Variants in NEGR1 observed in about 807,000 individuals in gnomAD.
NEGR1 encodes neuronal growth regulator 1.
Under a neutral mutation model 40.9 loss-of-function variants are expected in NEGR1, and 10 were observed. The ratio of observed to expected loss-of-function variants is 0.24; its 90% CI spans 0.15 to 0.42. NEGR1 has a LOEUF of 0.42. NEGR1 is among the 10% of genes least tolerant of loss of function. The probability of loss-of-function intolerance (pLI) is 1.00; values close to 1 mark genes in which losing one functional copy is unlikely to be tolerated. For missense variants in NEGR1, 352 were observed against 438.9 expected, an observed-to-expected ratio of 0.80 and a Z score of 1.77; for synonymous variants, 185 against 166.8, an observed-to-expected ratio of 1.11 and a Z score of -0.84.
At chr1:71,616,856 A>T (rs1215753497) in intron 4 of NEGR1, among the ~76,000 whole-genome samples, 2 of 152,208 alleles carry the variant, frequency 1.3e-5, no homozygotes, top group African/African-American at 4.8e-5. Context: ...GACTGCCAAC[A>T]AAAGAAAGCT....
At chr1:71,930,154 A>T (rs944981502) in intron 2 of NEGR1, among the ~76,000 whole-genome samples, 99 of 150,532 alleles carry the variant, frequency 6.6e-4, no homozygotes, top group African/African-American at 1.8e-3. Context: ...TTATTTTTAA[A>T]TTTTTTTTTT....
intron 3 of NEGR1, among the ~76,000 whole-genome samples, chr1:71,729,004 CT>C (rs77991010): frequency 8.6e-5 from 13 of 151,662 alleles, no homozygotes; most frequent in African/African-American, 1.5e-4. Flanking sequence ...GAAATGGAAA[CT>C]TTTTTTTTAC....
At chr1:71,782,106 G>A (rs1656738420) in intron 2 of NEGR1, among the ~76,000 whole-genome samples, 1 of 152,130 alleles carries the variant, frequency 6.6e-6, no homozygotes, top group Admixed American at 6.6e-5. Context: ...AAATTCATGA[G>A]TTAAAATCTT....
intron 6 of NEGR1, among the ~76,000 whole-genome samples, chr1:71,505,015 A>G (rs1266296109): frequency 6.6e-6 from 1 of 152,154 alleles, no homozygotes; most frequent in Non-Finnish European, 1.5e-5. Flanking sequence ...TCACACCCTT[A>G]CAGATTAAAC....
intron 2 of NEGR1, among the ~76,000 whole-genome samples, chr1:71,827,428 A>T (rs1009313402): frequency 6.6e-6 from 1 of 151,810 alleles, no homozygotes; most frequent in African/African-American, 2.4e-5. Flanking sequence ...TATTCAATCA[A>T]TGAAAAAGCT....
chr1:71,529,366 G>A (rs1397352620), intron 6 of NEGR1, among the ~76,000 whole-genome samples: 1 of 151,042 alleles, frequency 6.6e-6, no homozygotes, highest in African/African-American at 2.4e-5. Context: ...CCAGCATTAG[G>A]GCATTATTGT....
At position 71,654,516 on chromosome 1, in the gene NEGR1, T is replaced by C. The variant is rs1183110537; in HGVS notation, c.668-43370A>G. On this transcript the variant is annotated intron_variant, in intron 4 of 6. Transcript: ENST00000357731. ...CAACTGCTCAGAAAATAAAATATGT[T>C]CAAAATAAATAAACCATAAATATGG... Among the ~76,000 whole-genome samples, 6 of 152,288 alleles carry C rather than the reference T, an allele frequency of 3.9e-5. No homozygotes were observed. The East Asian group carries it at 1.2e-3, about 29-fold the overall frequency.
In NEGR1 at chr1:72,053,060, T is replaced by C. The variant is rs531103088; in HGVS notation, c.177-117749A>G. Among the ~76,000 whole-genome samples the C allele has an allele frequency of 3.0e-4, 45 of 151,454 alleles. 1 individual carries two copies. Among genetic ancestry groups the C allele is most frequent in the Non-Finnish European group, 5.0e-4 (34 of 67,554 alleles). On this transcript the variant is annotated intron_variant, in intron 1 of 6. Coordinates refer to ENST00000357731, the MANE Select transcript of NEGR1 (RefSeq NM_173808.3). ...GTTTTATTACAGTTTTCTTTTTTCA[T>C]GTCACTAGATTATCATATTATTCAG...
intron 6 of NEGR1, among the ~76,000 whole-genome samples, chr1:71,500,837 G>A (rs182124021): frequency 9.9e-5 from 15 of 151,924 alleles, no homozygotes; most frequent in African/African-American, 3.4e-4. Context: ...CTAATAAAAT[G>A]TGCATGTTCT....
At chr1:72,019,066 A>T (rs1171487367) in intron 1 of NEGR1, among the ~76,000 whole-genome samples, 1 of 152,166 alleles carries the variant, frequency 6.6e-6, no homozygotes, top group Non-Finnish European at 1.5e-5. Flanking sequence ...TTAAGAGAAT[A>T]TGTCTTCATG....
chr1:72,090,605 C>A (rs1648441617), intron 1 of NEGR1, among the ~76,000 whole-genome samples: 1 of 151,922 alleles, frequency 6.6e-6, no homozygotes, highest in South Asian at 2.1e-4. Context: ...GGGTCATCTA[C>A]CTGATAATTT....
intron 6 of NEGR1, among the ~76,000 whole-genome samples, chr1:71,466,958 C>A (rs999885110): frequency 6.6e-6 from 1 of 152,002 alleles, no homozygotes; most frequent in Non-Finnish European, 1.5e-5. Flanking sequence ...TGTGGGCTAA[C>A]CTTAAGCCGG....
intron 2 of NEGR1, among the ~76,000 whole-genome samples, chr1:71,785,729 A>G (rs776899192): frequency 3.3e-5 from 5 of 152,120 alleles, no homozygotes; most frequent in Non-Finnish European, 7.3e-5. Context: ...TCAAACTAGA[A>G]CCCAGCTGCC....
At chr1:71,549,568 T>C (rs926777028) in intron 6 of NEGR1, among the ~76,000 whole-genome samples, 1 of 151,628 alleles carries the variant, frequency 6.6e-6, no homozygotes, top group Admixed American at 6.6e-5. Flanking sequence ...ATATTTATTT[T>C]ATAGATGAGG....
intron 3 of NEGR1, among the ~76,000 whole-genome samples, chr1:71,753,024 T>C (rs1295686006): frequency 6.6e-6 from 1 of 152,144 alleles, no homozygotes; most frequent in African/African-American, 2.4e-5. Flanking sequence ...GCTTCGGCTT[T>C]GGGGTCTATC....
At chr1:71,692,345 G>C (rs539113120) in intron 4 of NEGR1, among the ~76,000 whole-genome samples, 9 of 151,404 alleles carry the variant, frequency 5.9e-5, no homozygotes, top group Non-Finnish European at 8.9e-5. Flanking sequence ...AGATATGAAA[G>C]ATGAAGTAAA....
At chr1:72,148,669 G>A (rs183226661) in intron 1 of NEGR1, among the ~76,000 whole-genome samples, 1 of 152,250 alleles carries the variant, frequency 6.6e-6, no homozygotes, top group Admixed American at 6.5e-5. Flanking sequence ...TCTTCCGCCA[G>A]ATACCCTAAA....
chr1:71,399,928 T>A lies in NEGR1; in HGVS notation c.*7518A>T, dbSNP rs1646236194. The stretch of plus-strand genomic sequence containing the variant: ...TTAGCATATTATAGTCTTCAACGAA[T>A]ATTTTGTAAGTTTTTTTTCTAAGAT... On this transcript the variant is annotated 3_prime_UTR_variant, in exon 7 of 7. Coordinates refer to ENST00000357731, the MANE Select transcript of NEGR1 (RefSeq NM_173808.3). 1 of 152,206 alleles carries A rather than the reference T, an allele frequency of 6.6e-6. No homozygotes were observed. Among genetic ancestry groups the A allele is most frequent in the Non-Finnish European group, 1.5e-5 (1 of 68,034 alleles). 9.4% of individuals were successfully genotyped at this position (152,206 alleles called of 1,614,324 possible). A position where few individuals can be genotyped will look rare whatever the true frequency, so the allele number is the denominator to read the frequency against.
chr1:71,875,372 A>C (rs544717049), intron 2 of NEGR1, among the ~76,000 whole-genome samples: 1 of 152,300 alleles, frequency 6.6e-6, no homozygotes, highest in East Asian at 1.9e-4. Context: ...ACTAAAACTT[A>C]TAACTTGGGT....
Sources: allele counts gnomAD v4.1 joint callset (sites outside exome capture counted in the v4.1 genomes callset), GRCh38; gene constraint gnomAD v4.1.1; transcripts MANE v1.5; gene names NCBI Gene and HGNC (gene_info 2026-07-23, HGNC 2026-07-21).